MROH6: variants seen among roughly 807,000 people sequenced by gnomAD.
MROH6 encodes the protein maestro heat-like repeat-containing protein family member 6.
Under a neutral mutation model 67.7 loss-of-function variants are expected in MROH6, and 62 were observed. The observed-to-expected ratio is 0.92, with a 90% CI of 0.75 to 1.13. MROH6 has a LOEUF of 1.13. MROH6 is among the 50% of genes most tolerant of loss of function. The pLI is 0.00. For missense variants in MROH6, 1,175 were observed against 1,029.1 expected, an observed-to-expected ratio of 1.14 and a Z score of -1.94; for synonymous variants, 566 against 470.8, an observed-to-expected ratio of 1.20 and a Z score of -2.62.
chr8:143,571,289 A>C (rs763161020), intron 3 of MROH6, among the ~76,000 whole-genome samples: 1 of 152,228 alleles, frequency 6.6e-6, no homozygotes, highest in Non-Finnish European at 1.5e-5. Context: ...AAATTGCCAC[A>C]GAGAATAAAA....
Position 143,568,698 on chromosome 8 carries a change from A to G in MROH6, c.1498T>C (p.Ser500Pro). The part of the protein sequence containing the change: ...LDDTRDSIRA[S>P]AVGLLGTLVR... ...AGAGTCCCAAGGAGCCCGACGGCCG[A>G]GGCGCGGATTGAGTCCCGTGTCTGC... is the stretch of plus-strand genomic sequence containing the variant. Residue 500 changes from serine to proline, a missense_variant, in exon 10 of 14, where the codon TCG becomes CCG. Transcript: ENST00000398882. 6.7e-7 allele frequency: 1 copy of G among 1,502,836 alleles called. No homozygotes were observed. 93.1% of individuals were successfully genotyped at this position (1,502,836 alleles called of 1,614,324 possible).
In MROH6 at chr8:143,567,807, G is replaced by A. The variant is rs778683840; in HGVS notation, c.1846C>T (p.Arg616Trp). The A allele has an allele frequency of 4.0e-5, 62 of 1,535,118 alleles. No individual in the cohort carries two copies. The highest frequency in any genetic ancestry group is 1.4e-4 in the Admixed American group (7 of 48,882). Residue 616 changes from arginine to tryptophan, a missense_variant, in exon 12 of 14, where the codon CGG becomes TGG. Physicochemically the swap from Arg to Trp is moderately radical, Grantham distance 101. Coordinates refer to ENST00000398882, the MANE Select transcript of MROH6 (RefSeq NM_001100878.2). ...YLRSPQDPLR[R>W]AAAVLIGFLV... ...TCACCTATAAGCACGGCGGCTGCCC[G>A]GCGCAGGGGGTCCTGTGGACTCCGC... is the stretch of plus-strand genomic sequence containing the variant.
rs1319307220 is a variant in MROH6, at chr8:143,570,601, C to G, written c.777G>C (p.Arg259Ser). The G allele has an allele frequency of 6.2e-7, 1 of 1,603,254 alleles. No individual in the cohort carries two copies. The highest frequency in any genetic ancestry group is 8.5e-7 in the Non-Finnish European group (1 of 1,179,750). Residue 259 changes from arginine (R) to serine (S), a missense_variant, in exon 5 of 14, where the codon AGG becomes AGC. Transcript: ENST00000398882. Reference sequence around the variant, plus strand: ...CAAGCAGCAGATGTGGGTAGAAGCCCCTCGTGGCTCCCACGCAGCCCGAAA... The same window carrying G: ...CAAGCAGCAGATGTGGGTAGAAGCCGCTCGTGGCTCCCACGCAGCCCGAAA... ...LAVSGCVGAT[R>S]GFYPHLLLAL...
rs376294109 is a variant in MROH6, at chr8:143,567,650, C to T, written c.1894G>A (p.Gly632Ser). ...TCCAGCAGGTCCTGGTTGACACAGC[C>T]GGGGCTGGCGTGGTGGACAAGGAAG... ...IGFLVHHASPGCVNQDLLDSL... is the reference protein window; with the variant it reads ...IGFLVHHASPSCVNQDLLDSL... The change falls in exon 13 of 14, where the codon GGC becomes AGC. Residue 632 changes from glycine to serine, a missense_variant. Physicochemically the swap from Gly to Ser is moderately conservative, Grantham distance 56. Transcript: ENST00000398882. The T allele has an allele frequency of 3.4e-5, 53 of 1,574,468 alleles. No individual in the cohort carries two copies. Among genetic ancestry groups the T allele is most frequent in the African/African-American group, 1.4e-4 (10 of 73,906 alleles).
At position 143,572,624 on chromosome 8, in the gene MROH6, TG is replaced by T; in HGVS notation, c.90del (p.Arg31GlyfsTer134). 6.3e-7 allele frequency: 1 copy of T among 1,588,048 alleles called. No homozygotes were observed. On this transcript the variant is annotated frameshift_variant, in exon 1 of 14. Transcript: ENST00000398882. LOFTEE classifies it high-confidence loss of function. ...TLTALTEGIR[A>X]RQGQPQGPPS... ...GGGGGTCCCTGGGGCTGCCCCTGCC[TG>T]GCCCGGATTCCTTCAGTCAGTGCTG... is the stretch of plus-strand genomic sequence containing the variant.
Position 143,570,073 on chromosome 8 carries a change from G to A in MROH6, c.1044-8C>T, listed in dbSNP as rs1461363410. On this transcript the variant is annotated splice_region_variant and splice_polypyrimidine_tract_variant and intron_variant, in intron 6 of 13. Transcript: ENST00000398882. ...GCATGTGCCACCATAGCACTGGGGT[G>A]GGTGGAAATGGGAGCTCTCGCTCCG... is the stretch of plus-strand genomic sequence containing the variant. 4 of 1,606,762 alleles carry A rather than the reference G, an allele frequency of 2.5e-6. No homozygotes were observed. In the African/African-American group the frequency reaches 5.3e-5, roughly 21 times the overall value.
Position 143,572,670 on chromosome 8 carries a change from G to A in MROH6, c.45C>T (p.Pro15=), listed in dbSNP as rs771024366. ...GTGCTGTCAGGGTTAGAGCCCCCAC[G>A]GGAGCCTCCCGGGCCCGGCTCCGGC... ...VWGRSRAREA[P]VGALTLTALT... Residue 15 remains proline, a synonymous_variant, in exon 1 of 14, where the codon CCC becomes CCT. Coordinates refer to ENST00000398882, the MANE Select transcript of MROH6 (RefSeq NM_001100878.2). The A allele has an allele frequency of 1.0e-4, 162 of 1,543,972 alleles. No homozygotes were observed. The highest frequency in any genetic ancestry group is 1.3e-4 in the Non-Finnish European group (145 of 1,148,052).
Position 143,567,252 on chromosome 8 carries a change from G to C in MROH6, c.2147C>G (p.Pro716Arg). Residue 716 changes from proline to arginine, a missense_variant, in exon 14 of 14, where the codon CCC becomes CGC. By Grantham distance (103) the Pro-to-Arg change is moderately radical (BLOSUM62 -2). Transcript: ENST00000398882. The part of the protein sequence containing the change: ...SVAGRWGCSG[P>R]RRA ...CAGCCCCGAGCCTCAGGCTCGGCGG[G>C]GTCCGGAGCAGCCCCAGCGGCCCGC... 4 of 1,221,788 alleles carry C rather than the reference G, an allele frequency of 3.3e-6. No individual in the cohort carries two copies. Among genetic ancestry groups the C allele is most frequent in the Non-Finnish European group, 4.1e-6 (4 of 981,352 alleles). 75.7% of individuals were successfully genotyped at this position (1,221,788 alleles called of 1,614,324 possible).
In MROH6 at chr8:143,572,685, C is replaced by G. The variant is rs934816221; in HGVS notation, c.30G>C (p.Arg10=). 2.6e-5 allele frequency: 39 copies of G among 1,517,432 alleles called. No individual in the cohort carries two copies. Among genetic ancestry groups the G allele is most frequent in the Non-Finnish European group, 3.3e-5 (38 of 1,136,184 alleles). 94.0% of individuals were successfully genotyped at this position (1,517,432 alleles called of 1,614,324 possible). ...GAGCCCCCACGGGAGCCTCCCGGGC[C>G]CGGCTCCGGCCCCACACACCCCCAG... is the stretch of plus-strand genomic sequence containing the variant. MAGGVWGRS[R]AREAPVGALT... Residue 10 remains arginine (R), a synonymous_variant, in exon 1 of 14, where the codon CGG becomes CGC. Transcript: ENST00000398882.
At position 143,568,726 on chromosome 8, in the gene MROH6, G is replaced by C. The variant is rs996608291; in HGVS notation, c.1477-7C>G. The C allele has an allele frequency of 1.4e-6, 2 of 1,475,238 alleles. No homozygotes were observed. Among genetic ancestry groups the C allele is most frequent in the East Asian group, 5.1e-5 (2 of 39,450 alleles). The allele number at this position is 1,475,238 out of a possible 1,614,324, so 91.4% of individuals were successfully genotyped here. A position where few individuals can be genotyped will look rare whatever the true frequency, so the allele number is the denominator to read the frequency against. ...CGCGGATTGAGTCCCGTGTCTGCGT[G>C]GGAGGGCGCAGTCAGGGCAGGCGGA... On this transcript the variant is annotated splice_polypyrimidine_tract_variant and splice_region_variant and intron_variant, in intron 9 of 13. Coordinates refer to ENST00000398882, the MANE Select transcript of MROH6 (RefSeq NM_001100878.2).
chr8:143,566,356 G>C lies in MROH6; in HGVS notation c.*883C>G, dbSNP rs1823616001. The C allele has an allele frequency of 6.6e-6, 1 of 152,292 alleles. No homozygotes were observed. Among genetic ancestry groups the C allele is most frequent in the African/African-American group, 2.4e-5 (1 of 41,466 alleles). 9.4% of individuals were successfully genotyped at this position (152,292 alleles called of 1,614,324 possible). ...TGTGCACTCGCAGAGGCTTCTCTGA[G>C]GAGGAGGCTGTGAAGGAGGCCACGA... is the stretch of plus-strand genomic sequence containing the variant. On this transcript the variant is annotated 3_prime_UTR_variant, in exon 14 of 14. Transcript: ENST00000398882.
Position 143,569,627 on chromosome 8 carries a change from G to C in MROH6, c.1303-13C>G, listed in dbSNP as rs773757770. 1 of 1,583,362 alleles carries C rather than the reference G, an allele frequency of 6.3e-7. No individual in the cohort carries two copies. Among genetic ancestry groups the C allele is most frequent in the Non-Finnish European group, 8.6e-7 (1 of 1,163,456 alleles). ...TCACGTGCCGCACCTGCTGGGACTC[G>C]GGGTCAGCCTCTTGCAGACCTCGCC... On this transcript the variant is annotated splice_polypyrimidine_tract_variant and intron_variant, in intron 8 of 13. Coordinates refer to ENST00000398882, the MANE Select transcript of MROH6 (RefSeq NM_001100878.2).
chr8:143,570,780 C>T (rs1397571558), intron 4 of MROH6, 97 bp downstream of exon 4: 5 of 1,405,950 alleles, frequency 3.6e-6, no homozygotes, highest in Non-Finnish European at 4.8e-6. Flanking sequence ...ATTCCAGGAG[C>T]AGTTACCTAG....
At chr8:143,567,729 C>T (rs1823706798) in intron 12 of MROH6, 53 bp from the exon 13 acceptor site, 2 of 1,570,132 alleles carry the variant, frequency 1.3e-6, no homozygotes, top group Non-Finnish European at 1.7e-6. Flanking sequence ...CAGGGGGAGG[C>T]TGGCCCAGCT....
intron 6 of MROH6, 47 bp from the exon 7 acceptor site, chr8:143,570,112 C>T (rs2130641401): frequency 6.3e-7 from 1 of 1,586,140 alleles, no homozygotes; most frequent in Non-Finnish European, 8.6e-7. Context: ...GGCGGCCTTT[C>T]TCCTCGAGAA....
At position 143,572,576 on chromosome 8, in the gene MROH6, A is replaced by C; in HGVS notation, c.139T>G (p.Ser47Ala). ...GPPSAGPQPKSWEVKPEAEPQ... is the reference protein window; with the variant it reads ...GPPSAGPQPKAWEVKPEAEPQ... ...TCAGCCTCAGGTTTGACCTCCCAGG[A>C]CTTGGGCTGAGGGCCTGCGGAAGGG... Residue 47 changes from serine (S) to alanine (A), a missense_variant, in exon 1 of 14, where the codon TCC (serine) becomes GCC (alanine). Ser to Ala is a moderately conservative substitution (Grantham distance 99). Coordinates refer to ENST00000398882, the MANE Select transcript of MROH6 (RefSeq NM_001100878.2). 6.2e-7 allele frequency: 1 copy of C among 1,604,978 alleles called. No homozygotes were observed. The highest frequency in any genetic ancestry group is 8.5e-7 in the Non-Finnish European group (1 of 1,177,284).
rs1056303644 is a variant in MROH6, at chr8:143,567,065, C to T, written c.*174G>A. 2.5e-4 allele frequency: 87 copies of T among 347,270 alleles called. No individual in the cohort carries two copies. The Middle Eastern group carries it at 3.9e-3, about 16-fold the overall frequency. The allele number at this position is 347,270 out of a possible 1,614,324, so 21.5% of individuals were successfully genotyped here. On this transcript the variant is annotated 3_prime_UTR_variant, in exon 14 of 14. Coordinates refer to ENST00000398882, the MANE Select transcript of MROH6 (RefSeq NM_001100878.2). ...ACAGATGGGTGCTGGCTGTCCCCCT[C>T]TGTCACCATCAGGGTGGTGGGTGCC...
chr8:143,572,336 C>A, intron 1 of MROH6, 85 bp downstream of exon 1: 2 of 1,480,388 alleles, frequency 1.4e-6, no homozygotes, highest in Admixed American at 2.2e-5. Context: ...GGGGCCAGCA[C>A]CGCCCCCCTG....
rs778496653 is a variant in MROH6, at chr8:143,570,533, G to T, written c.845C>A (p.Ser282Tyr). 4.3e-6 allele frequency: 7 copies of T among 1,612,016 alleles called. No individual in the cohort carries two copies. The Admixed American group carries it at 1.2e-4, about 27-fold the overall frequency. The change falls in exon 5 of 14, where the codon TCC (serine) becomes TAC (tyrosine). Residue 282 changes from serine (S) to tyrosine (Y), a missense_variant. Coordinates refer to ENST00000398882, the MANE Select transcript of MROH6 (RefSeq NM_001100878.2). ...AACCCAAATCTTGGGCATGTCGGGG[G>T]AGCACGGGCTGCGGGCCAGCTTGTG... ...QLHKLARSPC[S>Y]PDMPKIWVLS...
Sources: gnomAD v4.1 joint callset for allele counts (sites outside exome capture counted in the v4.1 genomes callset) on GRCh38, gnomAD v4.1.1 for gene constraint, MANE v1.5 for transcripts, NCBI Gene and HGNC (gene_info 2026-07-23, HGNC 2026-07-21) for gene names.